Variants in TRERF1 observed in about 807,000 individuals in gnomAD.
The protein encoded by TRERF1 is transcriptional regulating factor 1, also known as transcriptional-regulating factor 1.
TRERF1 carries 27 observed loss-of-function variants against 122.9 expected under a neutral mutation model. That is an observed-to-expected ratio of 0.22 (90% CI 0.16 to 0.30). The LOEUF (loss-of-function observed/expected upper bound fraction) is 0.30, where lower values mean the gene tolerates loss of function less well. Ranked by LOEUF, TRERF1 falls within the 10% of genes least tolerant of loss-of-function variation. The probability of loss-of-function intolerance (pLI) is 1.00; values close to 1 mark genes in which losing one functional copy is unlikely to be tolerated. For synonymous variants in TRERF1, 636 were observed against 641.7 expected (o/e 0.99, Z 0.13); for missense variants, 1,248 against 1,560.3 (o/e 0.80, Z 3.37).
intron 2 of TRERF1, among the ~76,000 whole-genome samples, chr6:42,440,201 A>G (rs1015955740): frequency 6.6e-6 from 1 of 152,154 alleles, no homozygotes; most frequent in African/African-American, 2.4e-5. Flanking sequence ...ATAGCTGTCA[A>G]CGGCAGGCCT....
intron 2 of TRERF1, among the ~76,000 whole-genome samples, chr6:42,387,801 T>G (rs2151209988): frequency 6.6e-6 from 1 of 151,836 alleles, no homozygotes; most frequent in East Asian, 1.9e-4. Flanking sequence ...CCTTTTTTAT[T>G]TTATTTTATT....
At chr6:42,229,627 T>C (rs1404490458) in intron 17 of TRERF1, among the ~76,000 whole-genome samples, 1 of 152,152 alleles carries the variant, frequency 6.6e-6, no homozygotes, top group Non-Finnish European at 1.5e-5. Context: ...CTGAGCTACA[T>C]CTACTACTCC....
intron 3 of TRERF1, among the ~76,000 whole-genome samples, chr6:42,361,289 G>T (rs1771706759): frequency 6.6e-6 from 1 of 152,248 alleles, no homozygotes; most frequent in South Asian, 2.1e-4. Context: ...AGAACTGTGA[G>T]AAATATGATT....
chr6:42,442,924 T>C (rs1289787784), intron 2 of TRERF1, among the ~76,000 whole-genome samples: 1 of 152,234 alleles, frequency 6.6e-6, no homozygotes, highest in Non-Finnish European at 1.5e-5. Context: ...ATTTATATTT[T>C]CCAATTTTAC....
intron 3 of TRERF1, among the ~76,000 whole-genome samples, chr6:42,306,803 T>C (rs151315396): frequency 2.6e-5 from 4 of 152,368 alleles, no homozygotes; most frequent in Admixed American, 6.5e-5. Context: ...ATCACAGTTG[T>C]AATTAATCAA....
intron 2 of TRERF1, among the ~76,000 whole-genome samples, chr6:42,373,582 T>C (rs1774188111): frequency 6.6e-6 from 1 of 151,504 alleles, no homozygotes; most frequent in African/African-American, 2.4e-5. Flanking sequence ...CAGGAGAATG[T>C]CATGAACCCC....
chr6:42,420,885 CAG>C (rs1002519807), intron 2 of TRERF1, among the ~76,000 whole-genome samples: 1 of 152,224 alleles, frequency 6.6e-6, no homozygotes, highest in African/African-American at 2.4e-5. Context: ...CTGTCCCTGA[CAG>C]GGGGCCACCC....
In TRERF1 at chr6:42,268,700, T is replaced by C. The variant is rs771505191; in HGVS notation, c.891A>G (p.Pro297=). Residue 297 remains proline, a synonymous_variant, in exon 5 of 18, where the codon CCA becomes CCG. Coordinates refer to ENST00000372922, the Ensembl canonical transcript of TRERF1. This position sits in a 1 kb window ranked among gnomAD's most constrained non-coding sequence, Gnocchi z 4.4. ...GCTGTGGCGGCGGCTGTGGCTGTGA[T>C]GGGCGAATTTGTTGCGGCTGCGTCT... The C allele has an allele frequency of 6.2e-6, 10 of 1,614,030 alleles. No homozygotes were observed. The South Asian group carries it at 9.9e-5, about 16-fold the overall frequency.
intron 2 of TRERF1, among the ~76,000 whole-genome samples, chr6:42,415,873 A>C (rs1183991051): frequency 6.6e-6 from 1 of 152,150 alleles, no homozygotes; most frequent in Non-Finnish European, 1.5e-5. Flanking sequence ...CACCCAAAAT[A>C]ATCCTAGTGG....
At chr6:42,248,122 G>C (rs1310001689) in intron 13 of TRERF1, among the ~76,000 whole-genome samples, 1 of 152,168 alleles carries the variant, frequency 6.6e-6, no homozygotes, top group Non-Finnish European at 1.5e-5. Flanking sequence ...TGGGCAGGCA[G>C]GGGCCTCCTT....
Position 42,259,395 on chromosome 6 carries a change from G to A in TRERF1, c.2213C>T (p.Pro738Leu), listed in dbSNP as rs747702112. Residue 738 changes from proline (P) to leucine (L), a missense_variant, in exon 9 of 18, where the codon CCG becomes CTG. This residue lies in a region of TRERF1 where 946 missense variants were observed against 1,073.0 expected (regional missense o/e 0.88). Coordinates refer to ENST00000372922, the Ensembl canonical transcript of TRERF1. The surrounding 1 kb of genome is among the most constrained non-coding windows in gnomAD (Gnocchi z 4.9). ...CGTCAGGGGCGTCAGGGGCAGCTGCGGGTGGGCGCCAGGGCCGTGGCCGGA... is the reference window on the plus strand; with the variant it reads ...CGTCAGGGGCGTCAGGGGCAGCTGCAGGTGGGCGCCAGGGCCGTGGCCGGA... 21 of 1,530,428 alleles carry A rather than the reference G, an allele frequency of 1.4e-5. No homozygotes were observed. The African/African-American group carries it at 1.5e-4, about 11-fold the overall frequency. The allele number at this position is 1,530,428 out of a possible 1,614,324, so 94.8% of individuals were successfully genotyped here.
At chr6:42,432,387 T>C (rs1784619959) in intron 2 of TRERF1, among the ~76,000 whole-genome samples, 1 of 152,214 alleles carries the variant, frequency 6.6e-6, no homozygotes, top group Admixed American at 6.5e-5. Context: ...CTCCACACTT[T>C]TAAAATATGA....
intron 3 of TRERF1, among the ~76,000 whole-genome samples, chr6:42,320,042 C>G (rs1030704303): frequency 7.2e-5 from 11 of 151,914 alleles, no homozygotes; most frequent in South Asian, 4.2e-4. Context: ...GCTGGGATTA[C>G]AGACACCCAT....
intron 7 of TRERF1, among the ~76,000 whole-genome samples, chr6:42,264,142 T>G (rs1778728622): frequency 1.3e-5 from 2 of 152,256 alleles, no homozygotes; most frequent in Admixed American, 1.3e-4. Flanking sequence ...AGAGTAACAA[T>G]ATTAAAATAA....
At chr6:42,374,276 A>C (rs1348504412) in intron 2 of TRERF1, among the ~76,000 whole-genome samples, 1 of 152,118 alleles carries the variant, frequency 6.6e-6, no homozygotes, top group Admixed American at 6.5e-5. Flanking sequence ...TTCCTGGACC[A>C]CTGGCTATAT....
intron 14 of TRERF1, among the ~76,000 whole-genome samples, chr6:42,245,894 G>A (rs920421350): frequency 6.6e-6 from 1 of 152,328 alleles, no homozygotes; most frequent in Non-Finnish European, 1.5e-5. Context: ...GATCACTTGA[G>A]GTTACGAGTT....
intron 2 of TRERF1, among the ~76,000 whole-genome samples, chr6:42,400,372 A>G (rs2151332854): frequency 6.6e-6 from 1 of 152,344 alleles, no homozygotes; most frequent in South Asian, 2.1e-4. Flanking sequence ...CAGCTAGATA[A>G]TAACAAATAT....
chr6:42,313,942 G>A (rs1052793294), intron 3 of TRERF1, among the ~76,000 whole-genome samples: 40 of 152,246 alleles, frequency 2.6e-4, no homozygotes, highest in Middle Eastern at 3.4e-3. Context: ...AAGGATGAGA[G>A]CCTATTAAGA....
chr6:42,224,934 C>T (rs993121191), downstream of TRERF1: 7 of 152,086 alleles, frequency 4.6e-5, no homozygotes, highest in African/African-American at 1.4e-4. Context: ...CCAAACGAAA[C>T]GCAAAAGATT....
Sources: allele counts gnomAD v4.1 joint callset (sites outside exome capture counted in the v4.1 genomes callset), GRCh38; gene constraint gnomAD v4.1.1; regional missense constraint gnomAD v4.1.1; non-coding constraint Gnocchi (gnomAD v3.1); transcripts MANE v1.5; gene names NCBI Gene and HGNC (gene_info 2026-07-23, HGNC 2026-07-21).